Variants in MYBPC1 observed in about 807,000 individuals in gnomAD.
MYBPC1 encodes myosin binding protein C1.
A neutral mutation model predicts 147.1 loss-of-function variants in MYBPC1; 52 were observed. That is an observed-to-expected ratio of 0.35 (90% CI 0.28 to 0.45). MYBPC1 has a LOEUF of 0.45. Ranked by LOEUF, MYBPC1 falls within the 20% of genes least tolerant of loss-of-function variation. The pLI is 1.00. For synonymous variants in MYBPC1, 477 were observed against 475.9 expected, an observed-to-expected ratio of 1.00 and a Z score of -0.03; for missense variants, 1,228 against 1,440.3, an observed-to-expected ratio of 0.85 and a Z score of 2.39.
At position 101,629,551 on chromosome 12, in the gene MYBPC1, GC is replaced by G; in HGVS notation, c.289+9del. On this transcript the variant is annotated splice_region_variant and intron_variant, in intron 6 of 31. Coordinates refer to ENST00000361466, the MANE Select transcript of MYBPC1 (RefSeq NM_002465.4). ...GGAGGAACAGTGAAAGTTGGTGAGT[GC>G]CTAGCATTCAATCCTTCCTTTTTTA... The G allele has an allele frequency of 6.3e-7, 1 of 1,590,894 alleles. No homozygotes were observed. Among genetic ancestry groups the G allele is most frequent in the Non-Finnish European group, 8.6e-7 (1 of 1,159,222 alleles).
intron 1 of MYBPC1, among the ~76,000 whole-genome samples, chr12:101,604,376 G>T (rs570780313): frequency 2.6e-5 from 4 of 152,164 alleles, no homozygotes; most frequent in Non-Finnish European, 5.9e-5. Flanking sequence ...CATGATCAAG[G>T]TACAATTAGA....
chr12:101,667,656 T>C, intron 22 of MYBPC1, 76 bp from the exon 23 acceptor site: 2 of 1,536,386 alleles, frequency 1.3e-6, no homozygotes, highest in East Asian at 2.3e-5. Context: ...AATTTGGAGT[T>C]GACTGTAATG....
intron 4 of MYBPC1, among the ~76,000 whole-genome samples, chr12:101,627,494 TGG>T (rs1466820568): frequency 6.6e-6 from 1 of 152,134 alleles, no homozygotes; most frequent in Non-Finnish European, 1.5e-5. Flanking sequence ...CCACCCACTT[TGG>T]CCTCCCAAAG....
At chr12:101,674,405 C>T (rs892222285) in intron 25 of MYBPC1, among the ~76,000 whole-genome samples, 1 of 151,990 alleles carries the variant, frequency 6.6e-6, no homozygotes, top group Non-Finnish European at 1.5e-5. Context: ...CAAAATTGAA[C>T]AGTTAAATAC....
In MYBPC1 at chr12:101,652,804, C is replaced by T; in HGVS notation, c.1633+20C>T. 1 of 1,574,412 alleles carries T rather than the reference C, an allele frequency of 6.4e-7. No homozygotes were observed. The highest frequency in any genetic ancestry group is 2.2e-5 in the East Asian group (1 of 44,644). ...TTATTGGTGAGTAGATAAAATAATT[C>T]ATTGCATAGTTGTGTTCTTTTTTGT... On this transcript the variant is annotated intron_variant, in intron 17 of 31. Transcript: ENST00000361466.
chr12:101,634,640 AT>A, intron 9 of MYBPC1, 35 bp downstream of exon 9: 1 of 1,518,964 alleles, frequency 6.6e-7, no homozygotes, highest in Non-Finnish European at 9.1e-7. Context: ...TAGCTTTTGT[AT>A]AACACAGAAG....
chr12:101,600,377 C>T (rs1879403580), intron 1 of MYBPC1: 1 of 151,838 alleles, frequency 6.6e-6, no homozygotes, highest in Non-Finnish European at 1.5e-5. Flanking sequence ...AAAGTATCCC[C>T]GAATCAAACA....
intron 22 of MYBPC1, chr12:101,664,615 A>T (rs1897127676): frequency 6.6e-6 from 1 of 152,270 alleles, no homozygotes; most frequent in Non-Finnish European, 1.5e-5. Flanking sequence ...CTGAAAAAGA[A>T]ATCCCAGGTG....
chr12:101,685,813 A>T lies in MYBPC1; in HGVS notation c.*251A>T. 3 of 432,496 alleles carry T rather than the reference A, an allele frequency of 6.9e-6. No homozygotes were observed. Among genetic ancestry groups the T allele is most frequent in the East Asian group, 4.5e-5 (1 of 22,044 alleles). The allele number at this position is 432,496 out of a possible 1,614,324, so 26.8% of individuals were successfully genotyped here. ...TTCTTTCCTCCTAATGTTGAAGAGA[A>T]AAAAAAAAAAAAAAGTTTGCCCAGA... On this transcript the variant is annotated 3_prime_UTR_variant, in exon 32 of 32. Transcript: ENST00000361466.
chr12:101,660,458 A>G (rs1896327078), intron 19 of MYBPC1: 1 of 163,918 alleles, frequency 6.1e-6, no homozygotes, highest in African/African-American at 2.4e-5. Context: ...ACATTTAGAC[A>G]ATAATTTCTT....
chr12:101,607,993 A>G (rs1001531237), intron 1 of MYBPC1, among the ~76,000 whole-genome samples: 8 of 152,220 alleles, frequency 5.3e-5, no homozygotes, highest in African/African-American at 1.7e-4. Flanking sequence ...AGCAGCACAA[A>G]GGCCACATAT....
At chr12:101,633,998 G>T (rs369416746) in intron 8 of MYBPC1, among the ~76,000 whole-genome samples, 1 of 151,350 alleles carries the variant, frequency 6.6e-6, no homozygotes, top group African/African-American at 2.4e-5. Flanking sequence ...CCGGGTTCAC[G>T]CCATTCTCCT....
At chr12:101,604,063 A>G (rs1191263016) in intron 1 of MYBPC1, among the ~76,000 whole-genome samples, 1 of 152,234 alleles carries the variant, frequency 6.6e-6, no homozygotes, top group Non-Finnish European at 1.5e-5. Context: ...AGCTCCTTCA[A>G]TCTGAGTAAA....
chr12:101,692,468 A>G, the MYBPC1 span, among the ~76,000 whole-genome samples: 1 of 152,198 alleles, frequency 6.6e-6, no homozygotes, highest in Non-Finnish European at 1.5e-5. Context: ...ACGGGCTTGA[A>G]TCCTGGCTTT....
chr12:101,618,030 A>G (rs1332436251), intron 3 of MYBPC1, among the ~76,000 whole-genome samples: 1 of 152,168 alleles, frequency 6.6e-6, no homozygotes, highest in Non-Finnish European at 1.5e-5. Context: ...TGAACCTTTT[A>G]TTTGCATAAT....
In MYBPC1 at chr12:101,648,029, C is replaced by T. The variant is rs1288826605; in HGVS notation, c.1091-16C>T. The stretch of plus-strand genomic sequence containing the variant: ...TGGATATTTAATGATTCTGATTTCC[C>T]CTTTTTGTATACTAGAGCCTCCAAT... On this transcript the variant is annotated splice_polypyrimidine_tract_variant and intron_variant, in intron 13 of 31. Coordinates refer to ENST00000361466, the MANE Select transcript of MYBPC1 (RefSeq NM_002465.4). 2 of 1,581,824 alleles carry T rather than the reference C, an allele frequency of 1.3e-6. No homozygotes were observed. The highest frequency in any genetic ancestry group is 1.7e-6 in the Non-Finnish European group (2 of 1,151,064).
At chr12:101,645,411 A>T (rs971004394) in intron 12 of MYBPC1, among the ~76,000 whole-genome samples, 9 of 152,218 alleles carry the variant, frequency 5.9e-5, no homozygotes, top group Admixed American at 3.9e-4. Flanking sequence ...TCTATTATAA[A>T]ACTACTTTAC....
chr12:101,682,604 TG>T lies in MYBPC1; in HGVS notation c.3435del (p.Ile1146TyrfsTer5). 6.2e-7 allele frequency: 1 copy of T among 1,612,300 alleles called. No homozygotes were observed. The highest frequency in any genetic ancestry group is 1.3e-5 in the African/African-American group (1 of 75,008). On this transcript the variant is annotated frameshift_variant and splice_region_variant, in exon 30 of 32. Coordinates refer to ENST00000361466, the MANE Select transcript of MYBPC1 (RefSeq NM_002465.4). LOFTEE classifies it high-confidence loss of function. The part of the protein sequence containing the change: ...VEIECKLEVK[V>X]IYQGVNTPGQ... ...TGGTACAAATATTCTGATTCTGCAGTGATATATCAAGGAGTAAATACCCCTG... is the reference window on the plus strand; with the variant it reads ...TGGTACAAATATTCTGATTCTGCAGTATATATCAAGGAGTAAATACCCCTG...
chr12:101,600,948 T>C (rs988786823), intron 1 of MYBPC1, among the ~76,000 whole-genome samples: 15 of 152,202 alleles, frequency 9.9e-5, no homozygotes, highest in Non-Finnish European at 1.9e-4. Context: ...TATTATTCCA[T>C]GTTAGTTCTT....
Sources: gnomAD v4.1 joint callset for allele counts (sites outside exome capture counted in the v4.1 genomes callset) on GRCh38, gnomAD v4.1.1 for gene constraint, MANE v1.5 for transcripts, NCBI Gene and HGNC (gene_info 2026-07-23, HGNC 2026-07-21) for gene names.